Variants in TCERG1 observed in about 807,000 individuals in gnomAD.
The protein encoded by TCERG1 is TATA box binding protein (TBP)-associated factor, RNA polymerase II, S, 150kD.
Under a neutral mutation model 144.7 loss-of-function variants are expected in TCERG1, and 37 were observed. The observed-to-expected ratio is 0.26, with a 90% CI of 0.20 to 0.34. TCERG1 has a LOEUF of 0.34. Among genes scored for constraint, TCERG1 ranks in the 10% least tolerant of loss-of-function variants. TCERG1 has a pLI of 1.00. For missense variants in TCERG1, 1,027 were observed against 1,380.7 expected, an observed-to-expected ratio of 0.74 and a Z score of 4.06; for synonymous variants, 492 against 458.2, an observed-to-expected ratio of 1.07 and a Z score of -0.94.
At chr5:146,485,083 T>A (rs1167260829) in intron 15 of TCERG1, among the ~76,000 whole-genome samples, 3 of 152,240 alleles carry the variant, frequency 2.0e-5, no homozygotes, top group African/African-American at 7.2e-5. Context: ...ATATTCTACA[T>A]AGACTTACCC....
intron 18 of TCERG1, 64 bp downstream of exon 18, chr5:146,503,603 A>ATGT: frequency 3.2e-6 from 5 of 1,553,144 alleles, no homozygotes; most frequent in Non-Finnish European, 4.4e-6. Flanking sequence ...TTAAGGGTAT[A>ATGT]TGTTGTTGTT....
chr5:146,457,071 A>G, intron 2 of TCERG1, 112 bp from the exon 3 acceptor site: 1 of 1,395,878 alleles, frequency 7.2e-7, no homozygotes, highest in Non-Finnish European at 9.7e-7. Flanking sequence ...AATGTGTTTG[A>G]ATAGACTATA....
intron 10 of TCERG1, 41 bp from the exon 11 acceptor site, chr5:146,479,814 T>C: frequency 6.2e-7 from 1 of 1,607,280 alleles, no homozygotes; most frequent in Non-Finnish European, 8.5e-7. Context: ...GTGAAATATA[T>C]GCAAATGACT....
chr5:146,502,475 T>TA (rs1001022227), intron 17 of TCERG1, among the ~76,000 whole-genome samples: 5 of 152,284 alleles, frequency 3.3e-5, no homozygotes, highest in Admixed American at 6.5e-5. Flanking sequence ...CCCTCAGACA[T>TA]ACATAAAAAT....
rs1554098112 is a variant in TCERG1, at chr5:146,472,701, T to TCGTGTGTGTGTGTGTGTGTG, written c.1601+1125_1601+1126insCGTGTGTGTGTGTGTGTGTG. 1.3e-4 allele frequency among the ~76,000 whole-genome samples: 19 copies of TCGTGTGTGTGTGTGTGTGTG among 146,044 alleles called. No homozygotes were observed. The East Asian group carries it at 3.8e-3, about 29-fold the overall frequency. On this transcript the variant is annotated intron_variant, in intron 9 of 22. Transcript: ENST00000679501. ...AAGGAAGAGTCACATACCTCTCACT[T>TCGTGTGTGTGTGTGTGTGTG]TGTGTGTGTGTGTGTGTGTGTGTGT... is the stretch of plus-strand genomic sequence containing the variant.
chr5:146,496,453 T>A (rs1766908668), intron 16 of TCERG1, among the ~76,000 whole-genome samples: 1 of 152,196 alleles, frequency 6.6e-6, no homozygotes, highest in South Asian at 2.1e-4. Flanking sequence ...CTCTTTGGAT[T>A]AGATAATTGT....
At chr5:146,449,189 G>A (rs181584776) in intron 1 of TCERG1, among the ~76,000 whole-genome samples, 19 of 152,278 alleles carry the variant, frequency 1.2e-4, no homozygotes, top group African/African-American at 4.6e-4. Flanking sequence ...TTCATGGTGT[G>A]TCTGTCATAA....
chr5:146,495,077 TCA>T (rs143342692), intron 16 of TCERG1, among the ~76,000 whole-genome samples: 182 of 152,316 alleles, frequency 1.2e-3, no homozygotes, highest in African/African-American at 4.3e-3. Flanking sequence ...CTAAAATAAA[TCA>T]GTTATCACTT....
intron 1 of TCERG1, among the ~76,000 whole-genome samples, chr5:146,448,912 T>C (rs1762125486): frequency 6.6e-6 from 1 of 152,234 alleles, no homozygotes; most frequent in South Asian, 2.1e-4. Flanking sequence ...AGAAAGTATC[T>C]TTCTAAAGCT....
chr5:146,455,886 G>T (rs560677081), intron 2 of TCERG1, among the ~76,000 whole-genome samples: 2 of 152,298 alleles, frequency 1.3e-5, no homozygotes, highest in South Asian at 4.1e-4. Context: ...CTTCTCCAGT[G>T]TATCCAGACT....
intron 19 of TCERG1, among the ~76,000 whole-genome samples, chr5:146,506,121 C>T (rs778488379): frequency 2.6e-5 from 4 of 152,098 alleles, no homozygotes; most frequent in Middle Eastern, 3.2e-3. Flanking sequence ...GAAGGGATAA[C>T]GTCTTATTTT....
intron 1 of TCERG1, among the ~76,000 whole-genome samples, chr5:146,451,319 CT>C (rs56346846): frequency 4.8e-3 from 668 of 138,830 alleles, no homozygotes; most frequent in African/African-American, 0.011. Flanking sequence ...ATCCATATTC[CT>C]TTTTTTTTTT....
At chr5:146,462,458 A>C (rs1358021494) in intron 4 of TCERG1, among the ~76,000 whole-genome samples, 1 of 152,224 alleles carries the variant, frequency 6.6e-6, no homozygotes. Context: ...GTGAGAATTG[A>C]AACTGAAAAG....
chr5:146,454,687 T>C (rs1483890961), intron 1 of TCERG1, among the ~76,000 whole-genome samples: 2 of 152,294 alleles, frequency 1.3e-5, no homozygotes, highest in Admixed American at 6.5e-5. Context: ...AACCTCTGCC[T>C]TGCGGGTTCA....
In TCERG1 at chr5:146,482,721, G is replaced by T. The variant is rs1378304479; in HGVS notation, c.2067G>T (p.Glu689Asp). ...AGCAGTTCAAGGACATGCTGCTAGA[G>T]AGAGGGGTCAGAAAACAATCTTTGG... ...RMKQFKDMLL[E>D]RGVSAFSTWE... The change falls in exon 14 of 23, where the codon GAG becomes GAT. Residue 689 changes from glutamate to aspartate, a missense_variant. By Grantham distance (45) the Glu-to-Asp change is conservative. This residue lies in a region of TCERG1 where 482 missense variants were observed against 632.6 expected (regional missense o/e 0.76). Transcript: ENST00000679501. 1 of 1,606,656 alleles carries T rather than the reference G, an allele frequency of 6.2e-7. No homozygotes were observed. Among genetic ancestry groups the T allele is most frequent in the Non-Finnish European group, 8.5e-7 (1 of 1,176,238 alleles).
chr5:146,489,817 T>C (rs186279463), intron 15 of TCERG1, among the ~76,000 whole-genome samples: 107 of 152,268 alleles, frequency 7.0e-4, no homozygotes, highest in African/African-American at 2.4e-3. Flanking sequence ...GTTGAAGTTA[T>C]CAGAAAATAA....
intron 3 of TCERG1, among the ~76,000 whole-genome samples, chr5:146,458,175 T>C (rs534621650): frequency 6.6e-6 from 1 of 151,542 alleles, no homozygotes; most frequent in African/African-American, 2.4e-5. Flanking sequence ...TTTATTTTAT[T>C]TTTTATTTTT....
intron 1 of TCERG1, among the ~76,000 whole-genome samples, chr5:146,454,798 A>G (rs1182643112): frequency 6.6e-6 from 1 of 151,996 alleles, no homozygotes; most frequent in Non-Finnish European, 1.5e-5. Context: ...GGGTTTCACC[A>G]TGTTGTCGAG....
chr5:146,482,932 A>T (rs1190073660), intron 14 of TCERG1, among the ~76,000 whole-genome samples: 1 of 152,202 alleles, frequency 6.6e-6, no homozygotes, highest in African/African-American at 2.4e-5. Context: ...TGTCCTTTTA[A>T]GTACAAATAA....
Sources: gnomAD v4.1 joint callset for allele counts (sites outside exome capture counted in the v4.1 genomes callset) on GRCh38, gnomAD v4.1.1 for gene constraint, gnomAD v4.1.1 regional missense constraint, MANE v1.5 for transcripts, NCBI Gene and HGNC (gene_info 2026-07-23, HGNC 2026-07-21) for gene names.